Variants in WBP2NL observed in about 807,000 individuals in gnomAD.
WBP2NL encodes postacrosomal sheath WW domain-binding protein.
In WBP2NL, 27 loss-of-function variants were observed where a neutral mutation model predicts 23.3. That is an observed-to-expected ratio of 1.16 (90% confidence interval 0.85 to 1.60). The LOEUF is 1.60. Ranked by LOEUF, WBP2NL falls within the 40% of genes most tolerant of loss-of-function variation. WBP2NL has a pLI of 0.00. For synonymous variants in WBP2NL, 151 were observed against 145.9 expected (o/e 1.03, Z -0.25); for missense variants, 370 against 389.5 (o/e 0.95, Z 0.42).
intron 8 of WBP2NL, among the ~76,000 whole-genome samples, chr22:42,053,384 G>A (rs769853331): frequency 6.6e-6 from 1 of 152,062 alleles, no homozygotes; most frequent in Non-Finnish European, 1.5e-5. Context: ...ACATTTTGAG[G>A]AACTGCCAGG....
At chr22:41,999,203 C>G (rs1348426835) in intron 1 of WBP2NL, among the ~76,000 whole-genome samples, 1 of 152,242 alleles carries the variant, frequency 6.6e-6, no homozygotes, top group East Asian at 1.9e-4. Context: ...CGAAGAGAGG[C>G]CGGAGCTGAC....
downstream of WBP2NL, among the ~76,000 whole-genome samples, chr22:42,035,223 G>C (rs1334039520): frequency 6.6e-6 from 1 of 152,270 alleles, no homozygotes; most frequent in East Asian, 1.9e-4. Flanking sequence ...CTTCTGTCAT[G>C]ACTTCAGCCG....
intron 8 of WBP2NL, among the ~76,000 whole-genome samples, chr22:42,057,346 A>G (rs1460783630): frequency 1.3e-5 from 2 of 152,118 alleles, no homozygotes; most frequent in Non-Finnish European, 2.9e-5. Context: ...CAACTATTGT[A>G]CTTTCCAACT....
At chr22:42,042,743 C>A (rs1052066848) in intron 8 of WBP2NL, among the ~76,000 whole-genome samples, 1 of 152,124 alleles carries the variant, frequency 6.6e-6, no homozygotes, top group Non-Finnish European at 1.5e-5. Context: ...TCTAGCCTTG[C>A]ATAGGTGTTT....
chr22:42,057,846 T>TATATAC (rs541863824), intron 8 of WBP2NL, among the ~76,000 whole-genome samples: 36 of 117,420 alleles, frequency 3.1e-4, no homozygotes, highest in African/African-American at 1.2e-3. Context: ...TATATATATA[T>TATATAC]ACACATATAT....
chr22:42,051,301 A>G (rs546054442), intron 8 of WBP2NL, among the ~76,000 whole-genome samples: 83 of 151,852 alleles, frequency 5.5e-4, no homozygotes, highest in Admixed American at 9.8e-4. Flanking sequence ...AGGCAAAACT[A>G]TGGAGACAGT....
chr22:42,047,811 C>A (rs1327480434), intron 8 of WBP2NL, among the ~76,000 whole-genome samples: 5 of 151,144 alleles, frequency 3.3e-5, no homozygotes, highest in African/African-American at 1.2e-4. Flanking sequence ...TTAGAAGAGA[C>A]GGGGTTTCAC....
At chr22:42,054,812 C>A (rs977674029) in intron 8 of WBP2NL, among the ~76,000 whole-genome samples, 42 of 151,996 alleles carry the variant, frequency 2.8e-4, no homozygotes, top group African/African-American at 7.0e-4. Flanking sequence ...TCGCCTGAAC[C>A]CAGGGGTTTA....
At chr22:42,006,120 T>C (rs1208049009) in intron 1 of WBP2NL, among the ~76,000 whole-genome samples, 1 of 152,214 alleles carries the variant, frequency 6.6e-6, no homozygotes, top group African/African-American at 2.4e-5. Flanking sequence ...CTCCTGTTCA[T>C]CGTTCTCATC....
At chr22:41,998,957 A>G (rs548684123) in intron 1 of WBP2NL, 77 bp downstream of exon 1, 4 of 1,503,642 alleles carry the variant, frequency 2.7e-6, no homozygotes, top group African/African-American at 2.8e-5. Flanking sequence ...GCAAACTCTC[A>G]GCGAGTCAGG....
Position 42,015,272 on chromosome 22 carries a change from A to G in WBP2NL, c.63-4039A>G, listed in dbSNP as rs1057017946. On this transcript the variant is annotated intron_variant, in intron 1 of 5. Coordinates refer to ENST00000328823, the MANE Select transcript of WBP2NL (RefSeq NM_152613.3). The stretch of plus-strand genomic sequence containing the variant: ...AGTGATTTGACAGAAATTTTCTTCT[A>G]TGTCTGGAACAACAACAACAAAATC... Among the ~76,000 whole-genome samples the G allele has an allele frequency of 5.3e-5, 8 of 152,242 alleles. No homozygotes were observed. The East Asian group carries it at 1.5e-3, about 29-fold the overall frequency.
intron 8 of WBP2NL, among the ~76,000 whole-genome samples, chr22:42,052,738 A>G (rs150520649): frequency 3.3e-5 from 5 of 152,212 alleles, no homozygotes; most frequent in African/African-American, 9.6e-5. Context: ...GCCCCTCCCA[A>G]TGGTCACTGA....
At chr22:42,057,184 C>T (rs1360105971) in intron 8 of WBP2NL, among the ~76,000 whole-genome samples, 1 of 152,118 alleles carries the variant, frequency 6.6e-6, no homozygotes, top group Non-Finnish European at 1.5e-5. Flanking sequence ...TTGGTGGTAT[C>T]CCAAAGGTTT....
At chr22:42,043,017 A>G (rs919174231) in intron 8 of WBP2NL, among the ~76,000 whole-genome samples, 1 of 115,908 alleles carries the variant, frequency 8.6e-6, no homozygotes, top group Non-Finnish European at 1.6e-5. Flanking sequence ...GTGAGCCAAG[A>G]AAAAAAAAAA....
At chr22:42,049,566 T>C (rs1005531145) in intron 8 of WBP2NL, among the ~76,000 whole-genome samples, 2 of 151,818 alleles carry the variant, frequency 1.3e-5, no homozygotes, top group African/African-American at 4.8e-5. Flanking sequence ...GGCGGGCACC[T>C]GTAGTCCTAG....
chr22:42,010,890 G>T (rs923759870), intron 1 of WBP2NL, among the ~76,000 whole-genome samples: 5 of 152,096 alleles, frequency 3.3e-5, no homozygotes, highest in East Asian at 1.9e-4. Context: ...TGTGATGATC[G>T]CATGGTTTTT....
chr22:42,025,879 A>G (rs1473279935), intron 5 of WBP2NL, among the ~76,000 whole-genome samples: 2 of 152,256 alleles, frequency 1.3e-5, no homozygotes, highest in Non-Finnish European at 2.9e-5. Context: ...AGAGTCATCT[A>G]TCCATATGAT....
downstream of WBP2NL, chr22:42,031,482 T>C (rs1924944028): frequency 6.6e-6 from 1 of 152,198 alleles, no homozygotes; most frequent in Non-Finnish European, 1.5e-5. Flanking sequence ...TACTCTGTTG[T>C]CTACTCTTTC....
At chr22:42,018,810 T>C (rs534295322) in intron 1 of WBP2NL, among the ~76,000 whole-genome samples, 4 of 151,738 alleles carry the variant, frequency 2.6e-5, no homozygotes, top group Non-Finnish European at 5.9e-5. Context: ...TAAGAGTAAA[T>C]TGTCAGAGAA....
Sources: allele counts gnomAD v4.1 joint callset (sites outside exome capture counted in the v4.1 genomes callset), GRCh38; gene constraint gnomAD v4.1.1; transcripts MANE v1.5; gene names NCBI Gene and HGNC (gene_info 2026-07-23, HGNC 2026-07-21).